Variants in CHMP7 observed in about 807,000 individuals in gnomAD.
CHMP7 encodes charged multivesicular body protein 7, also known as CHMP family, member 7.
A neutral mutation model predicts 53.7 loss-of-function variants in CHMP7; 15 were observed. The observed-to-expected ratio is 0.28, with a 90% CI of 0.19 to 0.43. The LOEUF is 0.43. CHMP7 is among the 20% of genes least tolerant of loss of function. The pLI, the probability that CHMP7 is intolerant of heterozygous loss-of-function variation, is 1.00. For synonymous variants in CHMP7, 261 were observed against 228.0 expected (o/e 1.14, Z -1.30); for missense variants, 527 against 569.4 (o/e 0.93, Z 0.76).
At position 23,258,358 on chromosome 8, in the gene CHMP7, G is replaced by A. The variant is rs752274618; in HGVS notation, c.869G>A (p.Arg290Gln). The change falls in exon 7 of 11, where the codon CGG becomes CAG. Residue 290 changes from arginine to glutamine, a missense_variant. Coordinates refer to ENST00000397677, the MANE Select transcript of CHMP7 (RefSeq NM_152272.5). The stretch of plus-strand genomic sequence containing the variant: ...CTGAGGTCTCTCAAGGCCAAGCAAC[G>A]GACAGAGAAGCGCATCGAGGCCTTG... ...LALRSLKAKQ[R>Q]TEKRIEALHA... 3 of 1,614,160 alleles carry A rather than the reference G, an allele frequency of 1.9e-6. No individual in the cohort carries two copies. The highest frequency in any genetic ancestry group is 1.7e-5 in the Admixed American group (1 of 60,024).
chr8:23,259,232 G>T (rs540135226), intron 9 of CHMP7, 106 bp downstream of exon 9: 9 of 582,122 alleles, frequency 1.5e-5, no homozygotes, highest in African/African-American at 3.9e-5. Context: ...GCAGTGGCGG[G>T]ATCTCGGCTC....
chr8:23,257,357 A>G (rs1366597504), intron 5 of CHMP7, among the ~76,000 whole-genome samples: 1 of 152,050 alleles, frequency 6.6e-6, no homozygotes, highest in Non-Finnish European at 1.5e-5. Flanking sequence ...CAGCCTCCCA[A>G]AGTGCTGGGA....
At chr8:23,244,050 C>CT (rs903391837) in intron 1 of CHMP7, among the ~76,000 whole-genome samples, 2 of 151,674 alleles carry the variant, frequency 1.3e-5, no homozygotes, top group African/African-American at 4.8e-5. Context: ...GATAACAGTC[C>CT]TTTATCAGAG....
rs989222187 is a variant in CHMP7 at position 23,258,755 on chromosome 8, G to A, written c.984G>A (p.Gly328=). 6.2e-7 allele frequency: 1 copy of A among 1,613,422 alleles called. No homozygotes were observed. Among genetic ancestry groups the A allele is most frequent in the African/African-American group, 1.3e-5 (1 of 74,976 alleles). The change falls in exon 8 of 11, where the codon GGG becomes GGA. Residue 328 remains glycine (G), a synonymous_variant. Transcript: ENST00000397677. The part of the protein sequence containing the change: ...DQMVFNAYQA[G]VGALKLSMKD... ...AGGTTTTTAACGCCTACCAGGCTGG[G>A]GTAGGAGCACTCAAACTCTCCATGA...
chr8:23,246,573 C>T lies in CHMP7; in HGVS notation c.-123C>T. ...AGACTTATGGAACTTATTTCACGCT[C>T]AGGGCGGCGGTGACGTGTGAACGAG... On this transcript the variant is annotated 5_prime_UTR_variant, in exon 2 of 11. An upstream open reading frame in the 5' UTR gains an earlier in-frame stop. Coordinates refer to ENST00000397677, the MANE Select transcript of CHMP7 (RefSeq NM_152272.5). 1.3e-6 allele frequency: 1 copy of T among 780,110 alleles called. No individual in the cohort carries two copies. The highest frequency in any genetic ancestry group is 2.0e-6 in the Non-Finnish European group (1 of 497,646). The allele number at this position is 780,110 out of a possible 1,614,324, so 48.3% of individuals were successfully genotyped here. A position where few individuals can be genotyped will look rare whatever the true frequency, so the allele number is the denominator to read the frequency against.
At chr8:23,260,509 T>C (rs776429675) in intron 10 of CHMP7, 29 bp from the exon 11 acceptor site, 39 of 1,609,498 alleles carry the variant, frequency 2.4e-5, no homozygotes, top group South Asian at 9.9e-5. Context: ...TTTCCTGTTA[T>C]AGTGTTCAGT....
In CHMP7 at chr8:23,258,800, G is replaced by C; in HGVS notation, c.1029G>C (p.Lys343Asn). 1 of 1,613,364 alleles carries C rather than the reference G, an allele frequency of 6.2e-7. No individual in the cohort carries two copies. The highest frequency in any genetic ancestry group is 8.5e-7 in the Non-Finnish European group (1 of 1,179,394). The change falls in exon 8 of 11, where the codon AAG becomes AAC. Residue 343 changes from lysine (K) to asparagine (N), a missense_variant. Transcript: ENST00000397677. ...KLSMKDVTVE[K>N]AESLVDQIQE... Reference sequence around the variant, plus strand: ...CCATGAAGGATGTCACAGTGGAGAAGGCAGAGAGCCTCGTGGATCAGATCC... The same window carrying C: ...CCATGAAGGATGTCACAGTGGAGAACGCAGAGAGCCTCGTGGATCAGATCC...
rs376891018 is a variant in CHMP7 at position 23,249,363 on chromosome 8, C to T, written c.453C>T (p.Val151=). The T allele has an allele frequency of 3.2e-5, 52 of 1,604,482 alleles. No individual in the cohort carries two copies. Among genetic ancestry groups the T allele is most frequent in the African/African-American group, 4.0e-5 (3 of 74,520 alleles). ...AGGTTCCAGCTGAGGAGGTCCTTGT[C>T]GCTGTGGAGCTGTTGAAGGTGGGTA... The part of the protein sequence containing the change: ...DNKVPAEEVL[V]AVELLKEKAE... Residue 151 remains valine (V), a synonymous_variant, in exon 3 of 11, where the codon GTC becomes GTT. Coordinates refer to ENST00000397677, the MANE Select transcript of CHMP7 (RefSeq NM_152272.5).
chr8:23,255,340 A>G lies in CHMP7; in HGVS notation c.565A>G (p.Asn189Asp), dbSNP rs139408800. The change falls in exon 4 of 11, where the codon AAC becomes GAC. Residue 189 changes from asparagine (N) to aspartate (D), a missense_variant. Asn to Asp is a conservative substitution (Grantham distance 23). Transcript: ENST00000397677. ...GTCAGAGCTCAGCACCCTCTGTGCT[A>G]ACTCCTGCCCAGATGAGAGGACCTT... is the stretch of plus-strand genomic sequence containing the variant. Reference protein sequence around the residue: ...ALSELSTLCANSCPDERTFYL... With the variant: ...ALSELSTLCADSCPDERTFYL... The G allele has an allele frequency of 6.2e-7, 1 of 1,614,142 alleles. No individual in the cohort carries two copies. Among genetic ancestry groups the G allele is most frequent in the East Asian group, 2.2e-5 (1 of 44,872 alleles).
chr8:23,259,434 C>G (rs1317177410), intron 9 of CHMP7, among the ~76,000 whole-genome samples: 1 of 151,542 alleles, frequency 6.6e-6, no homozygotes, highest in Non-Finnish European at 1.5e-5. Context: ...ATTCTCGGCT[C>G]GCTGCAACCT....
intron 3 of CHMP7, among the ~76,000 whole-genome samples, chr8:23,251,269 T>C (rs1349241467): frequency 1.3e-5 from 2 of 152,206 alleles, no homozygotes; most frequent in Non-Finnish European, 2.9e-5. Context: ...TTGGATGGTA[T>C]TGAAAAATAA....
In CHMP7 at chr8:23,260,199, C is replaced by T; in HGVS notation, c.1176C>T (p.Thr392=). ...TGGACATCCTCCTTCAGGATACCAC[C>T]AAAGAACCTTTGGATCTGCCTGACA... The part of the protein sequence containing the change: ...KELDILLQDT[T]KEPLDLPDNP... Residue 392 remains threonine, a synonymous_variant, in exon 10 of 11, where the codon ACC becomes ACT. Coordinates refer to ENST00000397677, the MANE Select transcript of CHMP7 (RefSeq NM_152272.5). 1.2e-6 allele frequency: 2 copies of T among 1,614,122 alleles called. No homozygotes were observed. Among genetic ancestry groups the T allele is most frequent in the Non-Finnish European group, 1.7e-6 (2 of 1,179,996 alleles).
chr8:23,247,434 CCAA>C (rs887514618), intron 2 of CHMP7, among the ~76,000 whole-genome samples: 7 of 152,280 alleles, frequency 4.6e-5, no homozygotes, highest in Non-Finnish European at 8.8e-5. Flanking sequence ...AGGCATCTTG[CCAA>C]CAACCCCTGG....
At chr8:23,251,082 A>T (rs1260619475) in intron 3 of CHMP7, among the ~76,000 whole-genome samples, 4 of 152,216 alleles carry the variant, frequency 2.6e-5, no homozygotes, top group African/African-American at 4.8e-5. Context: ...GGCCAAGCTC[A>T]GGTCCTCTCT....
At chr8:23,249,117 A>C in intron 2 of CHMP7, 93 bp from the exon 3 acceptor site, 2 of 1,111,984 alleles carry the variant, frequency 1.8e-6, no homozygotes, top group East Asian at 2.5e-5. Context: ...TGATAATGAT[A>C]AAATTCCTCT....
In CHMP7 at chr8:23,246,578, C is replaced by T; in HGVS notation, c.-118C>T. 1.3e-6 allele frequency: 1 copy of T among 798,996 alleles called. No individual in the cohort carries two copies. Among genetic ancestry groups the T allele is most frequent in the Admixed American group, 2.8e-5 (1 of 35,552 alleles). The allele number at this position is 798,996 out of a possible 1,614,324, so 49.5% of individuals were successfully genotyped here. On this transcript the variant is annotated 5_prime_UTR_variant, in exon 2 of 11. Transcript: ENST00000397677. Reference sequence around the variant, plus strand: ...TATGGAACTTATTTCACGCTCAGGGCGGCGGTGACGTGTGAACGAGAAGGA... The same window carrying T: ...TATGGAACTTATTTCACGCTCAGGGTGGCGGTGACGTGTGAACGAGAAGGA...
chr8:23,250,808 C>T (rs933877167), intron 3 of CHMP7, among the ~76,000 whole-genome samples: 60 of 152,260 alleles, frequency 3.9e-4, no homozygotes, highest in African/African-American at 1.3e-3. Flanking sequence ...CGCCTCACCC[C>T]GGGAGAAGCA....
chr8:23,258,118 C>G, intron 6 of CHMP7, 37 bp downstream of exon 6: 1 of 1,578,732 alleles, frequency 6.3e-7, no homozygotes, highest in Non-Finnish European at 8.7e-7. Context: ...TAGCAGTGCC[C>G]CAGGCAGGCC....
chr8:23,247,060 T>A (rs1563400670), intron 2 of CHMP7, 66 bp downstream of exon 2: 4 of 1,418,536 alleles, frequency 2.8e-6, no homozygotes, highest in Non-Finnish European at 3.7e-6. Flanking sequence ...GGCCGGGCCC[T>A]GGTCCTGTTC....
Sources: allele counts gnomAD v4.1 joint callset (sites outside exome capture counted in the v4.1 genomes callset), GRCh38; gene constraint gnomAD v4.1.1; transcripts MANE v1.5; gene names NCBI Gene and HGNC (gene_info 2026-07-23, HGNC 2026-07-21).